TRHDE: variants seen among roughly 807,000 people sequenced by gnomAD.
TRHDE encodes thyrotropin-releasing hormone-degrading ectoenzyme.
Under a neutral mutation model 125.7 loss-of-function variants are expected in TRHDE, and 72 were observed. The observed-to-expected ratio is 0.57, with a 90% CI of 0.47 to 0.70. The LOEUF is 0.70. Ranked by LOEUF, TRHDE falls within the 30% of genes least tolerant of loss-of-function variation. TRHDE has a pLI of 0.00. For synonymous variants in TRHDE, 509 were observed against 509.1 expected, an observed-to-expected ratio of 1.00 and a Z score of 0.00; for missense variants, 1,110 against 1,327.1, an observed-to-expected ratio of 0.84 and a Z score of 2.54.
intron 2 of TRHDE, among the ~76,000 whole-genome samples, chr12:72,362,404 G>A (rs1223520983): frequency 2.0e-5 from 3 of 150,618 alleles, no homozygotes; most frequent in African/African-American, 2.4e-5. Context: ...ACTTTTTGAT[G>A]GGGTTGTTTG....
Position 72,398,447 on chromosome 12 carries a change from T to G in TRHDE, c.1315+20326T>G, listed in dbSNP as rs553859168. ...TTATAGCATTTATTACGTTCCATTG[T>G]ATTATGTACTTTGCCATTTATATAG... On this transcript the variant is annotated intron_variant, in intron 3 of 18. Transcript: ENST00000261180. Among the ~76,000 whole-genome samples the G allele has an allele frequency of 2.0e-5, 3 of 152,328 alleles. No homozygotes were observed. The South Asian group carries it at 6.2e-4, about 32-fold the overall frequency.
chr12:72,228,694 A>G (rs1416793112), intron 2 of TRHDE, among the ~76,000 whole-genome samples: 4 of 152,212 alleles, frequency 2.6e-5, no homozygotes, highest in African/African-American at 9.6e-5. Context: ...TTCCAACTCC[A>G]AACCATGTCT....
chr12:72,538,447 A>T (rs1282213370), intron 6 of TRHDE, among the ~76,000 whole-genome samples: 1 of 152,014 alleles, frequency 6.6e-6, no homozygotes, highest in African/African-American at 2.4e-5. Flanking sequence ...TGTTACAAGC[A>T]CTGAAGTGCA....
At chr12:72,305,143 TATATC>T (rs1196238786) in intron 2 of TRHDE, among the ~76,000 whole-genome samples, 10 of 152,204 alleles carry the variant, frequency 6.6e-5, no homozygotes, top group Admixed American at 6.5e-4. Context: ...ACATGTGTGT[TATATC>T]ATTTATGGCT....
At chr12:72,650,107 A>C (rs1009365717) in intron 15 of TRHDE, among the ~76,000 whole-genome samples, 1 of 152,150 alleles carries the variant, frequency 6.6e-6, no homozygotes, top group Non-Finnish European at 1.5e-5. Flanking sequence ...TAGTCACATT[A>C]GCCATGATGT....
intron 2 of TRHDE, among the ~76,000 whole-genome samples, chr12:72,323,775 G>T (rs1199173690): frequency 6.6e-6 from 1 of 152,086 alleles, no homozygotes; most frequent in East Asian, 1.9e-4. Flanking sequence ...GTGATGTATA[G>T]AGAGATGGGG....
chr12:72,500,558 A>T (rs1878106614), intron 6 of TRHDE, among the ~76,000 whole-genome samples: 1 of 151,832 alleles, frequency 6.6e-6, no homozygotes, highest in South Asian at 2.1e-4. Context: ...TGCCTGGCTA[A>T]TTTCTGTATT....
chr12:72,385,555 A>G (rs1454561429), intron 3 of TRHDE, among the ~76,000 whole-genome samples: 1 of 152,126 alleles, frequency 6.6e-6, no homozygotes, highest in Non-Finnish European at 1.5e-5. Context: ...AAATATTTTT[A>G]TATGTTTCTA....
chr12:72,265,724 A>G (rs1171573280), intron 2 of TRHDE, among the ~76,000 whole-genome samples: 1 of 152,002 alleles, frequency 6.6e-6, no homozygotes, highest in African/African-American at 2.4e-5. Flanking sequence ...TTTGTTATAT[A>G]TACACATATT....
intron 2 of TRHDE, among the ~76,000 whole-genome samples, chr12:72,303,702 G>A (rs1335684086): frequency 6.6e-6 from 1 of 152,084 alleles, no homozygotes; most frequent in African/African-American, 2.4e-5. Flanking sequence ...TTCCCTTTAA[G>A]GGCACAGAAG....
intron 2 of TRHDE, among the ~76,000 whole-genome samples, chr12:72,375,131 C>G (rs952790305): frequency 6.6e-6 from 1 of 152,124 alleles, no homozygotes; most frequent in African/African-American, 2.4e-5. Context: ...TCAGTTCATC[C>G]TTTGAAATGG....
intron 12 of TRHDE, among the ~76,000 whole-genome samples, chr12:72,616,010 C>G (rs970690433): frequency 6.6e-6 from 1 of 152,086 alleles, no homozygotes; most frequent in East Asian, 1.9e-4. Context: ...CATGACCACA[C>G]CTAAGTACCA....
chr12:72,237,731 G>A (rs953375534), intron 2 of TRHDE, among the ~76,000 whole-genome samples: 17 of 152,134 alleles, frequency 1.1e-4, no homozygotes, highest in South Asian at 4.1e-4. Context: ...CTAGCCATGC[G>A]GAACTGTGGG....
chr12:72,091,903 A>G (rs1052796080), intron 1 of TRHDE, among the ~76,000 whole-genome samples: 17 of 152,244 alleles, frequency 1.1e-4, no homozygotes. Context: ...AAAGGGCTGT[A>G]GAAGCTCAGG....
chr12:72,245,711 CAATT>C (rs946899300), intron 2 of TRHDE, among the ~76,000 whole-genome samples: 3 of 151,664 alleles, frequency 2.0e-5, no homozygotes, highest in African/African-American at 4.8e-5. Context: ...TATATAAAGA[CAATT>C]AAGGAGTTTA....
At chr12:72,537,909 T>C (rs1032304221) in intron 6 of TRHDE, among the ~76,000 whole-genome samples, 3 of 152,130 alleles carry the variant, frequency 2.0e-5, no homozygotes, top group African/African-American at 7.2e-5. Context: ...CTCTGTGCTT[T>C]ACACTTCAAC....
intron 12 of TRHDE, among the ~76,000 whole-genome samples, chr12:72,603,811 A>G (rs139282871): frequency 1.3e-5 from 2 of 152,316 alleles, no homozygotes; most frequent in East Asian, 1.9e-4. Flanking sequence ...CCTGTGTTTT[A>G]GGAAAGAAAT....
At chr12:72,474,003 T>G (rs1876770559) in intron 5 of TRHDE, among the ~76,000 whole-genome samples, 1 of 152,112 alleles carries the variant, frequency 6.6e-6, no homozygotes, top group Non-Finnish European at 1.5e-5. Flanking sequence ...TAGGCGATTA[T>G]GTATATATAT....
At chr12:72,197,120 A>G (rs541375274) in intron 2 of TRHDE, among the ~76,000 whole-genome samples, 1 of 152,068 alleles carries the variant, frequency 6.6e-6, no homozygotes, top group Non-Finnish European at 1.5e-5. Context: ...ACTCCTTGAA[A>G]CACTATCTTT....
Sources: allele counts gnomAD v4.1 joint callset (sites outside exome capture counted in the v4.1 genomes callset), GRCh38; gene constraint gnomAD v4.1.1; transcripts MANE v1.5; gene names NCBI Gene and HGNC (gene_info 2026-07-23, HGNC 2026-07-21).